The following SMAD2 variants were observed in gnomAD, a reference collection of about 807,000 sequenced individuals.
SMAD2 encodes MAD homolog 2.
A neutral mutation model predicts 64.4 loss-of-function variants in SMAD2; 8 were observed. That is an observed-to-expected ratio of 0.12 (90% confidence interval 0.07 to 0.22). SMAD2 has a LOEUF of 0.22. Among genes scored for constraint, SMAD2 ranks in the 10% least tolerant of loss-of-function variants. The pLI is 1.00. For missense variants in SMAD2, 289 were observed against 561.2 expected (o/e 0.51, Z 4.90); for synonymous variants, 203 against 195.8 (o/e 1.04, Z -0.31).
chr18:47,925,109 T>C lies in SMAD2; in HGVS notation c.-54+5252A>G, dbSNP rs143266760. Among the ~76,000 whole-genome samples, 713 of 152,252 alleles carry C rather than the reference T, an allele frequency of 4.7e-3. 5 individuals carry two copies. Among genetic ancestry groups the C allele is most frequent in the African/African-American group, 0.016 (681 of 41,552 alleles). ...TGACACTGTAGATTATTCAAGGAAA[T>C]GCAAATTTTTACATTAAGGTAGACA... On this transcript the variant is annotated intron_variant, in intron 1 of 10. Transcript: ENST00000262160.
At chr18:47,926,316 T>C (rs1598908902) in intron 1 of SMAD2, among the ~76,000 whole-genome samples, 2 of 152,366 alleles carry the variant, frequency 1.3e-5, no homozygotes. Flanking sequence ...TAAAAAGATT[T>C]TCCCAAACAT....
intron 2 of SMAD2, among the ~76,000 whole-genome samples, chr18:47,885,109 T>C (rs114998625): frequency 0.015 from 2,229 of 150,844 alleles, 59 homozygotes; most frequent in African/African-American, 0.052. Context: ...ACATAGCTTA[T>C]CGATTTTCTA....
chr18:47,848,896 A>C (rs892877833), intron 7 of SMAD2, among the ~76,000 whole-genome samples: 9 of 152,176 alleles, frequency 5.9e-5, no homozygotes, highest in African/African-American at 1.9e-4. Flanking sequence ...TTCATAGATC[A>C]TACCAGATTT....
In SMAD2 at chr18:47,851,322, G is replaced by T; in HGVS notation, c.736C>A (p.Pro246Thr). The change falls in exon 7 of 11, where the codon CCA becomes ACA. Residue 246 changes from proline (P) to threonine (T), a missense_variant. Physicochemically the swap from Pro to Thr is conservative, Grantham distance 38. Around this residue, in one of 6 missense-constraint regions of SMAD2, gnomAD observed 119 missense variants for 156.7 expected, o/e 0.76. Coordinates refer to ENST00000262160, the MANE Select transcript of SMAD2 (RefSeq NM_005901.6). ...QLNQSMDTGSPAELSPTTLSP... is the reference protein window; with the variant it reads ...QLNQSMDTGSTAELSPTTLSP... ...AGAGTAGTAGGAGATAGTTCTGCTGGAGAGCCTAAAACAAAAGGATTTAAA... is the reference window on the plus strand; with the variant it reads ...AGAGTAGTAGGAGATAGTTCTGCTGTAGAGCCTAAAACAAAAGGATTTAAA... The T allele has an allele frequency of 1.2e-6, 2 of 1,607,294 alleles. No individual in the cohort carries two copies. Among genetic ancestry groups the T allele is most frequent in the Non-Finnish European group, 1.7e-6 (2 of 1,174,346 alleles).
intron 2 of SMAD2, among the ~76,000 whole-genome samples, chr18:47,881,428 T>C (rs539655050): frequency 9.2e-5 from 14 of 152,356 alleles, no homozygotes; most frequent in Non-Finnish European, 1.9e-4. Context: ...AATTGATTTT[T>C]AGACACTGAA....
At chr18:47,915,709 T>C (rs1168238454) in intron 1 of SMAD2, among the ~76,000 whole-genome samples, 1 of 152,188 alleles carries the variant, frequency 6.6e-6, no homozygotes, top group East Asian at 1.9e-4. Context: ...TGAGTGGGCA[T>C]GAAATCAATA....
rs1208953717 is a variant in SMAD2 at position 47,838,372 on chromosome 18, G to A, written c.*3455C>T. ...TCCTTCTGCCAAAGTGACAGGTCCT[G>A]AGGAAAAAAAACACAACCTCTACAA... On this transcript the variant is annotated 3_prime_UTR_variant, in exon 11 of 11. Coordinates refer to ENST00000262160, the MANE Select transcript of SMAD2 (RefSeq NM_005901.6). 4.3e-6 allele frequency: 1 copy of A among 233,106 alleles called. No homozygotes were observed. Among genetic ancestry groups the A allele is most frequent in the East Asian group, 6.0e-5 (1 of 16,696 alleles). The allele number at this position is 233,106 out of a possible 1,614,324, so 14.4% of individuals were successfully genotyped here.
chr18:47,862,512 T>C (rs2031261228), intron 6 of SMAD2, among the ~76,000 whole-genome samples: 1 of 152,208 alleles, frequency 6.6e-6, no homozygotes, highest in South Asian at 2.1e-4. Flanking sequence ...GTTACCTGCC[T>C]CCATCTTCAT....
chr18:47,918,930 A>G (rs1180931788), intron 1 of SMAD2, among the ~76,000 whole-genome samples: 1 of 152,158 alleles, frequency 6.6e-6, no homozygotes, highest in East Asian at 1.9e-4. Context: ...TCAAATAGAT[A>G]AATTAAGAAA....
intron 1 of SMAD2, among the ~76,000 whole-genome samples, chr18:47,908,604 T>C (rs530633532): frequency 1.2e-4 from 19 of 152,312 alleles, no homozygotes; most frequent in Admixed American, 6.5e-4. Context: ...ACACAGACCA[T>C]ACATGGAGCC....
chr18:47,924,414 TTATATAGGAGGC>T lies in SMAD2; in HGVS notation c.-54+5935_-54+5946del, dbSNP rs1225276917. On this transcript the variant is annotated intron_variant, in intron 1 of 10. Coordinates refer to ENST00000262160, the MANE Select transcript of SMAD2 (RefSeq NM_005901.6). The stretch of plus-strand genomic sequence containing the variant: ...TTCCACTGCATCATTTATGAGGATT[TTATATAGGAGGC>T]TCTGCAAAAAAGATTTGCCACCCCA... Among the ~76,000 whole-genome samples the T allele has an allele frequency of 4.6e-5, 7 of 152,152 alleles. No homozygotes were observed. The East Asian group carries it at 1.4e-3, about 29-fold the overall frequency.
chr18:47,812,617 T>A lies in SMAD2; in HGVS notation c.*29210A>T, dbSNP rs1912241385. The A allele has an allele frequency of 6.6e-6, 1 of 152,144 alleles. No homozygotes were observed. Among genetic ancestry groups the A allele is most frequent in the Admixed American group, 6.5e-5 (1 of 15,272 alleles). 9.4% of individuals were successfully genotyped at this position (152,144 alleles called of 1,614,324 possible). A position where few individuals can be genotyped will look rare whatever the true frequency, so the allele number is the denominator to read the frequency against. On this transcript the variant is annotated 3_prime_UTR_variant, in exon 11 of 11. Coordinates refer to ENST00000262160, the MANE Select transcript of SMAD2 (RefSeq NM_005901.6). ...TGGGAGAACCACCCCCATAATACAATTACTTCCTTCCCTCAACATGTAGGG... is the reference window on the plus strand; with the variant it reads ...TGGGAGAACCACCCCCATAATACAAATACTTCCTTCCCTCAACATGTAGGG...
At chr18:47,918,272 C>T (rs1257178866) in intron 1 of SMAD2, among the ~76,000 whole-genome samples, 1 of 152,186 alleles carries the variant, frequency 6.6e-6, no homozygotes, top group East Asian at 1.9e-4. Flanking sequence ...TGTGAATGAA[C>T]ATGAGCACGC....
chr18:47,825,825 CA>C lies in SMAD2; in HGVS notation c.*16001del, dbSNP rs1912733802. ...TTAAAACATGCCTTGATCAGTCAACCAAATTACTGCTAAACCAGTATTGGGA... is the reference window on the plus strand; with the variant it reads ...TTAAAACATGCCTTGATCAGTCAACCAATTACTGCTAAACCAGTATTGGGA... On this transcript the variant is annotated 3_prime_UTR_variant, in exon 11 of 11. Transcript: ENST00000262160. 1 of 152,168 alleles carries C rather than the reference CA, an allele frequency of 6.6e-6. No individual in the cohort carries two copies. The highest frequency in any genetic ancestry group is 6.5e-5 in the Admixed American group (1 of 15,274). The allele number at this position is 152,168 out of a possible 1,614,324, so 9.4% of individuals were successfully genotyped here.
intron 2 of SMAD2, among the ~76,000 whole-genome samples, chr18:47,896,087 T>A (rs1198233222): frequency 6.6e-6 from 1 of 152,220 alleles, no homozygotes; most frequent in Non-Finnish European, 1.5e-5. Flanking sequence ...AACACACTAT[T>A]CTTTCTTGGA....
chr18:47,928,262 C>G (rs920007054), intron 1 of SMAD2, among the ~76,000 whole-genome samples: 1 of 152,138 alleles, frequency 6.6e-6, no homozygotes, highest in African/African-American at 2.4e-5. Context: ...CCAACAGAAT[C>G]AAAACCAAAC....
intron 1 of SMAD2, among the ~76,000 whole-genome samples, chr18:47,928,616 TAA>T (rs1303229681): frequency 1.3e-5 from 2 of 150,426 alleles, no homozygotes; most frequent in Non-Finnish European, 3.0e-5. Context: ...CACAGTTTCT[TAA>T]AAGACTATTA....
intron 2 of SMAD2, among the ~76,000 whole-genome samples, chr18:47,885,536 A>G (rs1182208563): frequency 6.6e-6 from 1 of 152,230 alleles, no homozygotes; most frequent in Non-Finnish European, 1.5e-5. Context: ...TATAAAATAT[A>G]AGTACATGTT....
Position 47,829,194 on chromosome 18 carries a change from A to T in SMAD2, c.*12633T>A, listed in dbSNP as rs1912893225. Reference sequence around the variant, plus strand: ...GACGTTTAATTTCTTCACTACAAGGAATTTCAAACTTATCTAAAAGGAAAT... The same window carrying T: ...GACGTTTAATTTCTTCACTACAAGGTATTTCAAACTTATCTAAAAGGAAAT... On this transcript the variant is annotated 3_prime_UTR_variant, in exon 11 of 11. Coordinates refer to ENST00000262160, the MANE Select transcript of SMAD2 (RefSeq NM_005901.6). 6.6e-6 allele frequency: 1 copy of T among 152,142 alleles called. No individual in the cohort carries two copies. The highest frequency in any genetic ancestry group is 2.4e-5 in the African/African-American group (1 of 41,422). 9.4% of individuals were successfully genotyped at this position (152,142 alleles called of 1,614,324 possible).
Sources: gnomAD v4.1 joint callset for allele counts (sites outside exome capture counted in the v4.1 genomes callset) on GRCh38, gnomAD v4.1.1 for gene constraint, gnomAD v4.1.1 regional missense constraint, MANE v1.5 for transcripts, NCBI Gene and HGNC (gene_info 2026-07-23, HGNC 2026-07-21) for gene names.